Variants in UPP2 observed in about 807,000 individuals in gnomAD.
UPP2 encodes the protein UPase 2.
Under a neutral mutation model 26.7 loss-of-function variants are expected in UPP2, and 23 were observed. The ratio of observed to expected loss-of-function variants is 0.86; its 90% confidence interval spans 0.62 to 1.22. The LOEUF (loss-of-function observed/expected upper bound fraction) is 1.22. Among genes scored for constraint, UPP2 ranks in the 50% most tolerant of loss-of-function variants. The pLI is 0.00. For missense variants in UPP2, 387 were observed against 396.7 expected (o/e 0.98, Z 0.21); for synonymous variants, 127 against 141.3 (o/e 0.90, Z 0.72).
chr2:158,016,054 A>G (rs926090385), intron 3 of UPP2, among the ~76,000 whole-genome samples: 3 of 151,952 alleles, frequency 2.0e-5, no homozygotes, highest in Non-Finnish European at 4.4e-5. Context: ...CCATGGCAGT[A>G]GCCCCATTTT....
At chr2:158,065,995 A>C (rs970354938) in intron 3 of UPP2, 1 of 395,080 alleles carries the variant, frequency 2.5e-6, no homozygotes, top group Non-Finnish European at 4.7e-6. Context: ...GTATTTGGAG[A>C]AGTATCATCC....
chr2:158,081,595 A>T (rs932971052), intron 3 of UPP2, among the ~76,000 whole-genome samples: 5 of 152,198 alleles, frequency 3.3e-5, no homozygotes, highest in Admixed American at 6.5e-5. Context: ...GAATAGATAA[A>T]GGAAATGTGG....
chr2:158,005,984 G>C (rs1215406273), intron 2 of UPP2, among the ~76,000 whole-genome samples: 1 of 152,036 alleles, frequency 6.6e-6, no homozygotes, highest in Non-Finnish European at 1.5e-5. Context: ...ACTCACCTAG[G>C]GAATGGTCTC....
chr2:158,007,890 G>C (rs766917905), intron 2 of UPP2, among the ~76,000 whole-genome samples: 5 of 152,160 alleles, frequency 3.3e-5, no homozygotes, highest in Non-Finnish European at 4.4e-5. Context: ...CTCCCAAAGT[G>C]CTGGGATTAC....
At chr2:158,001,767 C>T (rs989665310) in intron 2 of UPP2, among the ~76,000 whole-genome samples, 3 of 151,712 alleles carry the variant, frequency 2.0e-5, no homozygotes, top group African/African-American at 7.3e-5. Context: ...ATTTCTATAA[C>T]CTGAAGTTGG....
chr2:158,115,732 C>T (rs1683415995), intron 3 of UPP2, among the ~76,000 whole-genome samples: 1 of 152,170 alleles, frequency 6.6e-6, no homozygotes, highest in African/African-American at 2.4e-5. Flanking sequence ...AACATGTGAA[C>T]AGTTATGGAA....
intron 6 of UPP2, among the ~76,000 whole-genome samples, chr2:158,124,929 C>A (rs1257283847): frequency 2.0e-5 from 3 of 152,106 alleles, no homozygotes; most frequent in Non-Finnish European, 4.4e-5. Context: ...GTCGTTTGCA[C>A]TGGAGACATA....
rs555326851 is a variant in UPP2 at position 158,078,858 on chromosome 2, G to A, written c.148-23182G>A. On this transcript the variant is annotated intron_variant, in intron 3 of 9. Coordinates refer to the UPP2 transcript ENST00000605860. ...TACCCTGATGTGGTTATTGCATGTT[G>A]CATGTCTGTACCAAAGTATCTCATG... 7.2e-5 allele frequency among the ~76,000 whole-genome samples: 11 copies of A among 152,240 alleles called. No individual in the cohort carries two copies. In the South Asian group the frequency reaches 2.1e-3, roughly 29 times the overall value.
At chr2:158,017,841 T>G (rs1271939410) in intron 3 of UPP2, among the ~76,000 whole-genome samples, 1 of 152,240 alleles carries the variant, frequency 6.6e-6, no homozygotes, top group Non-Finnish European at 1.5e-5. Flanking sequence ...TCTTGTACAT[T>G]TTTCAATGAA....
intron 3 of UPP2, among the ~76,000 whole-genome samples, chr2:158,093,007 G>A (rs947465461): frequency 3.3e-5 from 5 of 151,872 alleles, no homozygotes; most frequent in African/African-American, 4.8e-5. Flanking sequence ...TGCAACCTCC[G>A]CCTCCCGGGT....
chr2:157,998,305 C>T (rs1394562290), intron 2 of UPP2, among the ~76,000 whole-genome samples: 1 of 151,972 alleles, frequency 6.6e-6, no homozygotes, highest in African/African-American at 2.4e-5. Context: ...CCACCTAATG[C>T]TCCACCAGAA....
chr2:158,120,851 G>T (rs1683550409), intron 4 of UPP2, among the ~76,000 whole-genome samples: 1 of 151,964 alleles, frequency 6.6e-6, no homozygotes, highest in East Asian at 1.9e-4. Context: ...CAGGCAGGGA[G>T]ACTAACAGTT....
rs181678307 is a variant in UPP2 at position 158,117,247 on chromosome 2, C to T, written c.340-577C>T. ...GTCCTGAATACTGAAAAAAACAGGG[C>T]TATGGTCATCATCTATAGTAATTTA... On this transcript the variant is annotated intron_variant, in intron 3 of 6. Coordinates refer to ENST00000005756, the MANE Select transcript of UPP2 (RefSeq NM_173355.4). Among the ~76,000 whole-genome samples, 34 of 151,994 alleles carry T rather than the reference C, an allele frequency of 2.2e-4. No individual in the cohort carries two copies. The East Asian group carries it at 6.4e-3, about 29-fold the overall frequency.
At chr2:158,092,487 C>T (rs1349721997) in intron 3 of UPP2, among the ~76,000 whole-genome samples, 1 of 152,122 alleles carries the variant, frequency 6.6e-6, no homozygotes, top group Non-Finnish European at 1.5e-5. Flanking sequence ...GAATTCTAGA[C>T]CATGCTAAAT....
chr2:158,092,228 A>T (rs1682922590), intron 3 of UPP2, among the ~76,000 whole-genome samples: 1 of 152,194 alleles, frequency 6.6e-6, no homozygotes, highest in Admixed American at 6.5e-5. Flanking sequence ...GATAACAGAC[A>T]GGTTTTTTCA....
intron 2 of UPP2, among the ~76,000 whole-genome samples, chr2:157,999,719 C>G (rs1032074650): frequency 6.6e-6 from 1 of 152,118 alleles, no homozygotes; most frequent in East Asian, 1.9e-4. Flanking sequence ...AATCCTGACT[C>G]TATGTAGGCC....
chr2:158,099,971 C>T (rs1228873042), upstream of UPP2, among the ~76,000 whole-genome samples: 9 of 152,162 alleles, frequency 5.9e-5, no homozygotes, highest in Non-Finnish European at 1.3e-4. Context: ...TCTGAGTTTG[C>T]CTTGTGCACT....
intron 2 of UPP2, among the ~76,000 whole-genome samples, chr2:158,106,540 C>T (rs1015621392): frequency 6.6e-6 from 1 of 152,116 alleles, no homozygotes; most frequent in African/African-American, 2.4e-5. Flanking sequence ...CACTATTTAG[C>T]ATCTACATTT....
chr2:158,071,366 C>A lies in UPP2; in HGVS notation c.148-30674C>A, dbSNP rs148556118. Among the ~76,000 whole-genome samples, 534 of 152,054 alleles carry A rather than the reference C, an allele frequency of 3.5e-3. 1 individual carries two copies. Among genetic ancestry groups the A allele is most frequent in the African/African-American group, 0.012 (497 of 41,488 alleles). ...AGGAGTACAAGACCAGCCTGGCCAA[C>A]ATGGTGAAACCCTGTCTCTACTAAA... is the stretch of plus-strand genomic sequence containing the variant. On this transcript the variant is annotated intron_variant, in intron 3 of 9. Coordinates refer to the UPP2 transcript ENST00000605860.
Sources: allele counts gnomAD v4.1 joint callset (sites outside exome capture counted in the v4.1 genomes callset), GRCh38; gene constraint gnomAD v4.1.1; transcripts MANE v1.5; gene names NCBI Gene and HGNC (gene_info 2026-07-23, HGNC 2026-07-21).